TTC28: variants seen among roughly 807,000 people sequenced by gnomAD.
TTC28 encodes the protein tetratricopeptide repeat domain 28.
TTC28 carries 61 observed loss-of-function variants against 198.0 expected under a neutral mutation model. The ratio of observed to expected loss-of-function variants is 0.31; its 90% confidence interval spans 0.25 to 0.38. The LOEUF (loss-of-function observed/expected upper bound fraction) is 0.38. Ranked by LOEUF, TTC28 falls within the 10% of genes least tolerant of loss-of-function variation. The pLI is 1.00. For synonymous variants in TTC28, 1,171 were observed against 1,297.8 expected (o/e 0.90, Z 2.10); for missense variants, 2,678 against 3,164.0 (o/e 0.85, Z 3.69).
chr22:28,238,235 C>A (rs1280744346), intron 5 of TTC28, among the ~76,000 whole-genome samples: 2 of 152,120 alleles, frequency 1.3e-5, no homozygotes, highest in Non-Finnish European at 2.9e-5. Context: ...CTAATAGTAT[C>A]CAATGGATCA....
intron 5 of TTC28, among the ~76,000 whole-genome samples, chr22:28,252,058 T>A (rs974164757): frequency 6.6e-6 from 1 of 152,112 alleles, no homozygotes; most frequent in East Asian, 1.9e-4. Flanking sequence ...AACTTGCGCA[T>A]AGGAGATGGC....
chr22:28,492,299 C>CA (rs954409007), intron 2 of TTC28, among the ~76,000 whole-genome samples: 28 of 150,540 alleles, frequency 1.9e-4, no homozygotes, highest in East Asian at 5.9e-4. Context: ...AATTAAAAGA[C>CA]AAAAAAAAGA....
At chr22:28,128,747 C>T (rs929784263) in intron 6 of TTC28, among the ~76,000 whole-genome samples, 1 of 152,064 alleles carries the variant, frequency 6.6e-6, no homozygotes, top group Non-Finnish European at 1.5e-5. Flanking sequence ...ACCATGTTGC[C>T]CAGGCTTGTC....
chr22:27,985,502 T>G, intron 21 of TTC28, 146 bp from the exon 22 acceptor site: 1 of 625,982 alleles, frequency 1.6e-6, no homozygotes, highest in Admixed American at 2.7e-5. Context: ...TCCCCATGTC[T>G]GCACAGAGGT....
At chr22:28,445,835 C>A (rs2047693115) in intron 2 of TTC28, among the ~76,000 whole-genome samples, 1 of 151,840 alleles carries the variant, frequency 6.6e-6, no homozygotes, top group Non-Finnish European at 1.5e-5. Flanking sequence ...CATTTTCCTT[C>A]ATAGCCCTGA....
intron 2 of TTC28, among the ~76,000 whole-genome samples, chr22:28,591,062 TATATATATATATATATATATATAG>T (rs2050426522): frequency 8.1e-6 from 1 of 123,944 alleles, no homozygotes; most frequent in Non-Finnish European, 1.6e-5. Context: ...TATATATATA[TATATATATATATATATATATATAG>T]GAATTGTGAC....
rs546110101 is a variant in TTC28, at chr22:28,254,624, T to A, written c.933+41574A>T. ...GGGGAAGAAATGATTCAACAGTGAC[T>A]AAAGCTTAGATGTGGACTCCCTCCC... On this transcript the variant is annotated intron_variant, in intron 5 of 22. Transcript: ENST00000397906. 4.9e-4 allele frequency among the ~76,000 whole-genome samples: 75 copies of A among 152,066 alleles called. 1 individual carries two copies. The highest frequency in any genetic ancestry group is 1.2e-3 in the South Asian group (6 of 4,816).
At chr22:28,329,705 T>C (rs1402669739) in intron 2 of TTC28, among the ~76,000 whole-genome samples, 1 of 152,194 alleles carries the variant, frequency 6.6e-6, no homozygotes, top group Non-Finnish European at 1.5e-5. Flanking sequence ...TAGTTATTTA[T>C]GTGACTGTCC....
chr22:28,033,521 T>C (rs1939215106), intron 12 of TTC28, among the ~76,000 whole-genome samples: 1 of 152,180 alleles, frequency 6.6e-6, no homozygotes, highest in African/African-American at 2.4e-5. Flanking sequence ...GTAGCTGCCT[T>C]CAAGGCTCTT....
chr22:28,173,430 C>T (rs1458622554), intron 5 of TTC28, among the ~76,000 whole-genome samples: 1 of 152,130 alleles, frequency 6.6e-6, no homozygotes, highest in African/African-American at 2.4e-5. Context: ...CAGCTGCTTC[C>T]CACAGTGGAA....
chr22:28,079,262 G>C (rs1941260213), intron 12 of TTC28, among the ~76,000 whole-genome samples: 1 of 152,228 alleles, frequency 6.6e-6, no homozygotes. Context: ...AGTGGTAGCA[G>C]TGGTTTAGGA....
chr22:28,024,394 G>A (rs1179526003), intron 13 of TTC28, among the ~76,000 whole-genome samples: 2 of 152,170 alleles, frequency 1.3e-5, no homozygotes, highest in Admixed American at 1.3e-4. Flanking sequence ...GGTTCCTCTG[G>A]GTTAGGACAG....
At chr22:28,349,642 T>A (rs1432359619) in intron 2 of TTC28, among the ~76,000 whole-genome samples, 1 of 152,222 alleles carries the variant, frequency 6.6e-6, no homozygotes, top group Non-Finnish European at 1.5e-5. Context: ...CTCAGTTTCC[T>A]CTTACACAAA....
Position 28,676,723 on chromosome 22 carries a change from T to TA in TTC28, c.102+2898dup, listed in dbSNP as rs767914032. ...AGAAACTCTATTTTTTTATTAGAAA[T>TA]AAAAAAAAAAAAAAGCCAGGTGTGG... On this transcript the variant is annotated intron_variant, in intron 1 of 22. Transcript: ENST00000397906. Among the ~76,000 whole-genome samples the TA allele has an allele frequency of 8.8e-3, 1,065 of 121,414 alleles. 16 individuals are homozygous for TA. The highest frequency in any genetic ancestry group is 0.064 in the East Asian group (283 of 4,438). 79.7% of individuals were successfully genotyped at this position (121,414 alleles called of 152,430 possible).
At chr22:28,108,452 C>A in intron 6 of TTC28, 49 bp from the exon 7 acceptor site, 2 of 1,364,534 alleles carry the variant, frequency 1.5e-6, no homozygotes, top group Non-Finnish European at 1.9e-6. Context: ...AACTGATTTG[C>A]AATGTAGAAA....
chr22:28,671,975 C>A (rs2051895139), intron 1 of TTC28, among the ~76,000 whole-genome samples: 1 of 151,452 alleles, frequency 6.6e-6, no homozygotes, highest in African/African-American at 2.4e-5. Flanking sequence ...TGCACCTGGA[C>A]AAAATAAGGC....
chr22:28,593,579 T>C (rs2050479692), intron 2 of TTC28, among the ~76,000 whole-genome samples: 1 of 148,068 alleles, frequency 6.8e-6, no homozygotes, highest in African/African-American at 2.7e-5. Flanking sequence ...GGTTTATATG[T>C]TCATCAAATA....
chr22:28,049,763 C>G (rs1940013064), intron 12 of TTC28, among the ~76,000 whole-genome samples: 1 of 152,080 alleles, frequency 6.6e-6, no homozygotes, highest in African/African-American at 2.4e-5. Flanking sequence ...TGTGTGCAAG[C>G]ACACTGGTGT....
rs1940657185 is a variant in TTC28, at chr22:28,064,034, T to C, written c.3932+30046A>G. On this transcript the variant is annotated intron_variant, in intron 12 of 22. Coordinates refer to ENST00000397906, the MANE Select transcript of TTC28 (RefSeq NM_001145418.2). ...CTGTAAAAAGACTGGGGACCAGGAA[T>C]CTAGTTTAGTGTCCTTTTTTTAACC... 2.0e-5 allele frequency among the ~76,000 whole-genome samples: 3 copies of C among 152,250 alleles called. No homozygotes were observed. In the South Asian group the frequency reaches 6.2e-4, roughly 32 times the overall value.
Sources: allele counts gnomAD v4.1 joint callset (sites outside exome capture counted in the v4.1 genomes callset), GRCh38; gene constraint gnomAD v4.1.1; transcripts MANE v1.5; gene names NCBI Gene and HGNC (gene_info 2026-07-23, HGNC 2026-07-21).